The following KRT15 variants were observed in gnomAD, a reference collection of about 807,000 sequenced individuals.
KRT15 encodes the protein keratin 15.
KRT15 carries 45 observed loss-of-function variants against 46.6 expected under a neutral mutation model. The ratio of observed to expected loss-of-function variants is 0.97; its 90% CI spans 0.76 to 1.24. The LOEUF is 1.24. Among genes scored for constraint, KRT15 ranks in the 50% most tolerant of loss-of-function variants. The probability of loss-of-function intolerance (pLI) is 0.00; values close to 1 mark genes in which losing one functional copy is unlikely to be tolerated. For synonymous variants in KRT15, 221 were observed against 233.8 expected (o/e 0.95, Z 0.50); for missense variants, 592 against 588.9 (o/e 1.01, Z -0.05).
intron 1 of KRT15, 146 bp downstream of exon 1, chr17:41,518,184 G>T: frequency 2.3e-6 from 2 of 875,168 alleles, no homozygotes; most frequent in Non-Finnish European, 3.4e-6. Flanking sequence ...GACAGCAGGT[G>T]CATTCCAAAT....
At chr17:41,516,351 G>T (rs1905368427) in intron 3 of KRT15, 86 bp from the exon 4 acceptor site, 1 of 1,415,464 alleles carries the variant, frequency 7.1e-7, no homozygotes, top group Non-Finnish European at 9.7e-7. Context: ...TCCTGGCTCT[G>T]CCCGTAACAC....
At position 41,518,577 on chromosome 17, in the gene KRT15, C is replaced by T. The variant is rs760106747; in HGVS notation, c.251G>A (p.Gly84Asp). The T allele has an allele frequency of 7.4e-6, 12 of 1,613,482 alleles. No homozygotes were observed. The highest frequency in any genetic ancestry group is 3.3e-5 in the Admixed American group (2 of 59,936). Residue 84 changes from glycine (G) to aspartate (D), a missense_variant, in exon 1 of 8, where the codon GGC becomes GAC. Transcript: ENST00000254043. ...GSVFGGGFGG[G>D]VGGGFGGGFG... ...GCCACCACCAAAACCCCCACCAACG[C>T]CCCCTCCAAAGCCTCCACCGAAAAC...
At position 41,515,438 on chromosome 17, in the gene KRT15, C is replaced by T. The variant is rs199635206; in HGVS notation, c.1247+34G>A. On this transcript the variant is annotated intron_variant, in intron 6 of 7. Transcript: ENST00000254043. ...CCCTGCACCCTAGCCACAAGCAGCCCTCATCACTCCTTCCCCTGTGCCCAG... is the reference window on the plus strand; with the variant it reads ...CCCTGCACCCTAGCCACAAGCAGCCTTCATCACTCCTTCCCCTGTGCCCAG... The T allele has an allele frequency of 4.8e-5, 77 of 1,591,108 alleles. No homozygotes were observed. The African/African-American group carries it at 7.8e-4, about 16-fold the overall frequency.
At chr17:41,514,399 G>A in intron 7 of KRT15, 1 of 598,192 alleles carries the variant, frequency 1.7e-6, no homozygotes, top group Non-Finnish European at 3.0e-6. Context: ...AGTGTATGAA[G>A]ATGGGGCCTG....
In KRT15 at chr17:41,516,200, A is replaced by G; in HGVS notation, c.804T>C (p.Gly268=). The G allele has an allele frequency of 6.2e-7, 1 of 1,613,954 alleles. No individual in the cohort carries two copies. Among genetic ancestry groups the G allele is most frequent in the Non-Finnish European group, 8.5e-7 (1 of 1,179,972 alleles). ...CTGCCAGCACACGGGTCAGGTCCAC[A>G]CCCGGTGCTGCGTCCATCTCCACAT... ...QVNVEMDAAP[G]VDLTRVLAEM... is the part of the protein sequence containing the mutation. Residue 268 remains glycine (G), a synonymous_variant, in exon 4 of 8, where the codon GGT becomes GGC. Coordinates refer to ENST00000254043, the MANE Select transcript of KRT15 (RefSeq NM_002275.4).
Position 41,518,347 on chromosome 17 carries a change from C to A in KRT15, c.481G>T (p.Glu161Ter), listed in dbSNP as rs1905495386. 1.2e-6 allele frequency: 2 copies of A among 1,613,048 alleles called. No homozygotes were observed. The highest frequency in any genetic ancestry group is 1.1e-5 in the South Asian group (1 of 91,020). The change falls in exon 1 of 8, where the codon GAA (glutamate) becomes TAA (stop). Residue 161 changes from glutamate to a stop codon, truncating the protein, a stop_gained. Coordinates refer to ENST00000254043, the MANE Select transcript of KRT15 (RefSeq NM_002275.4). LOFTEE classifies it high-confidence loss of function. ...GGACTCACCTTGTCCCGGAGCTCTTCAATGGTCTTGAAGTATTGGCTGTAG... is the reference window on the plus strand; with the variant it reads ...GGACTCACCTTGTCCCGGAGCTCTTAAATGGTCTTGAAGTATTGGCTGTAG... ...CDYSQYFKTIEELRDKIMATT... is the reference protein window; with the variant it reads ...CDYSQYFKTI
chr17:41,518,015 C>T (rs1905472988), intron 1 of KRT15, among the ~76,000 whole-genome samples: 1 of 152,094 alleles, frequency 6.6e-6, no homozygotes, highest in Admixed American at 6.6e-5. Flanking sequence ...TCACCTTGGC[C>T]CCCCAAAGCA....
Position 41,516,136 on chromosome 17 carries a change from G to C in KRT15, c.868C>G (p.Arg290Gly). Residue 290 changes from arginine to glycine, a missense_variant, in exon 4 of 8, where the codon CGC becomes GGC. Transcript: ENST00000254043. ...AAGAACCAGGCCTCGACATCCCGGC[G>C]GTTCTTCTCCGCCATGGCCTCGTAC... ...EQYEAMAEKN[R>G]RDVEAWFFSK... is the part of the protein sequence containing the mutation. 1 of 1,614,156 alleles carries C rather than the reference G, an allele frequency of 6.2e-7. No individual in the cohort carries two copies. Among genetic ancestry groups the C allele is most frequent in the Non-Finnish European group, 8.5e-7 (1 of 1,180,018 alleles).
At chr17:41,515,370 C>T in intron 6 of KRT15, 102 bp downstream of exon 6, 2 of 979,472 alleles carry the variant, frequency 2.0e-6, no homozygotes, top group Non-Finnish European at 1.6e-6. Flanking sequence ...TTTCACAGTC[C>T]CTCAAGGCTG....
At position 41,518,435 on chromosome 17, in the gene KRT15, A is replaced by T. The variant is rs1905502744; in HGVS notation, c.393T>A (p.Ala131=). The change falls in exon 1 of 8, where the codon GCT becomes GCA. Residue 131 remains alanine, a synonymous_variant. Coordinates refer to ENST00000254043, the MANE Select transcript of KRT15 (RefSeq NM_002275.4). ...AGTCATGGATCTTCACCTCCAGGTC[A>T]GCATTGGCCTCCTCCAGGGCACGTA... The part of the protein sequence containing the change: ...DKVRALEEAN[A]DLEVKIHDWY... The T allele has an allele frequency of 1.9e-6, 3 of 1,613,920 alleles. No homozygotes were observed. Among genetic ancestry groups the T allele is most frequent in the Non-Finnish European group, 2.5e-6 (3 of 1,180,008 alleles).
At position 41,516,901 on chromosome 17, in the gene KRT15, G is replaced by C; in HGVS notation, c.645C>G (p.Val215=). ...VEADINGLRR[V]LDELTLARTD... Reference sequence around the variant, plus strand: ...TCCTGGCCAGGGTCAGCTCATCCAGGACTCGGCGCAAGCCGTTGATGTCAG... The same window carrying C: ...TCCTGGCCAGGGTCAGCTCATCCAGCACTCGGCGCAAGCCGTTGATGTCAG... The change falls in exon 3 of 8, where the codon GTC becomes GTG. Residue 215 remains valine (V), a synonymous_variant. Coordinates refer to ENST00000254043, the MANE Select transcript of KRT15 (RefSeq NM_002275.4). The C allele has an allele frequency of 6.2e-7, 1 of 1,614,226 alleles. No homozygotes were observed. Among genetic ancestry groups the C allele is most frequent in the South Asian group, 1.1e-5 (1 of 91,084 alleles).
Position 41,518,866 on chromosome 17 carries a change from A to G in KRT15, c.-39T>C. 6.6e-7 allele frequency: 1 copy of G among 1,517,132 alleles called. No individual in the cohort carries two copies. 94.0% of individuals were successfully genotyped at this position (1,517,132 alleles called of 1,614,324 possible). ...GAGCCCGTGAGTTCTCAGCAAACCC[A>G]AGAGATGCTGGCAGGAGGTACCAGG... On this transcript the variant is annotated 5_prime_UTR_variant, in exon 1 of 8. Transcript: ENST00000254043.
intron 4 of KRT15, 27 bp downstream of exon 4, chr17:41,516,077 A>T: frequency 6.2e-7 from 1 of 1,614,128 alleles, no homozygotes. Context: ...CTGGGGCAGG[A>T]AGGGCAGGGC....
chr17:41,515,385 G>A (rs1905300210), intron 6 of KRT15, 87 bp downstream of exon 6: 4 of 1,173,754 alleles, frequency 3.4e-6, no homozygotes, highest in Non-Finnish European at 5.0e-6. Flanking sequence ...AGGCTGCTTA[G>A]GGACACCCTG....
chr17:41,514,385 C>G, intron 7 of KRT15: 2 of 596,930 alleles, frequency 3.4e-6, no homozygotes, highest in Non-Finnish European at 6.0e-6. Context: ...GGCATCTTAG[C>G]GGAAGTGTAT....
In KRT15 at chr17:41,515,869, G is replaced by A. The variant is rs1454428647; in HGVS notation, c.1026+16C>T. 6.2e-7 allele frequency: 1 copy of A among 1,613,810 alleles called. No individual in the cohort carries two copies. Among genetic ancestry groups the A allele is most frequent in the East Asian group, 2.2e-5 (1 of 44,874 alleles). On this transcript the variant is annotated intron_variant, in intron 5 of 7. Coordinates refer to ENST00000254043, the MANE Select transcript of KRT15 (RefSeq NM_002275.4). The stretch of plus-strand genomic sequence containing the variant: ...CTACCACCCGAGAGGCTGGGATGGG[G>A]CGCGAGTGGCCGTACCATGCTGAGC...
rs202231383 is a variant in KRT15 at position 41,518,397 on chromosome 17, T to C, written c.431A>G (p.Gln144Arg). ...EVKIHDWYQK[Q>R]TPTSPECDYS... The stretch of plus-strand genomic sequence containing the variant: ...GTCGCATTCTGGGCTGGTTGGGGTC[T>C]GCTTCTGGTACCAGTCATGGATCTT... The change falls in exon 1 of 8, where the codon CAG (glutamine) becomes CGG (arginine). Residue 144 changes from glutamine to arginine, a missense_variant. Physicochemically the swap from Gln to Arg is conservative, Grantham distance 43. Transcript: ENST00000254043. The C allele has an allele frequency of 6.2e-6, 10 of 1,614,006 alleles. No homozygotes were observed. Among genetic ancestry groups the C allele is most frequent in the Non-Finnish European group, 8.5e-6 (10 of 1,180,018 alleles).
intron 6 of KRT15, 184 bp from the exon 7 acceptor site, chr17:41,514,858 AT>A: frequency 3.5e-6 from 2 of 563,970 alleles, no homozygotes; most frequent in Non-Finnish European, 3.1e-6. Context: ...AAGTAGACAG[AT>A]TTTGTTTTGT....
At chr17:41,517,562 A>G (rs1597775454) in intron 1 of KRT15, 1 of 241,462 alleles carries the variant, frequency 4.1e-6, no homozygotes, top group Non-Finnish European at 8.2e-6. Context: ...CCTCCTGCAC[A>G]CCTTGGACAC....
Sources: gnomAD v4.1 joint callset for allele counts (sites outside exome capture counted in the v4.1 genomes callset) on GRCh38, gnomAD v4.1.1 for gene constraint, MANE v1.5 for transcripts, NCBI Gene and HGNC (gene_info 2026-07-23, HGNC 2026-07-21) for gene names.